PARP9: variants seen among roughly 807,000 people sequenced by gnomAD.
PARP9 encodes the protein poly(ADP-ribose) polymerase family member 9, also known as protein mono-ADP-ribosyltransferase PARP9.
A neutral mutation model predicts 68.8 loss-of-function variants in PARP9; 48 were observed. The observed-to-expected ratio is 0.70, with a 90% confidence interval of 0.55 to 0.89. PARP9 has a LOEUF of 0.89. PARP9 is among the 40% of genes least tolerant of loss of function. PARP9 has a pLI of 0.00. For synonymous variants in PARP9, 309 were observed against 333.8 expected, an observed-to-expected ratio of 0.93 and a Z score of 0.81; for missense variants, 806 against 969.3, an observed-to-expected ratio of 0.83 and a Z score of 2.24.
chr3:122,561,644 C>T (rs1290032830), intron 1 of PARP9, among the ~76,000 whole-genome samples: 1 of 152,216 alleles, frequency 6.6e-6, no homozygotes, highest in African/African-American at 2.4e-5. Context: ...TTTGCCTTTA[C>T]AGGCCTTTTC....
intron 6 of PARP9, among the ~76,000 whole-genome samples, chr3:122,550,160 A>G (rs1244003646): frequency 6.6e-6 from 1 of 152,078 alleles, no homozygotes; most frequent in African/African-American, 2.4e-5. Flanking sequence ...GCTCACCACA[A>G]TCTCCGCCTC....
chr3:122,542,917 A>AT (rs899725914), intron 7 of PARP9, among the ~76,000 whole-genome samples: 2 of 151,728 alleles, frequency 1.3e-5, no homozygotes, highest in Non-Finnish European at 1.5e-5. Context: ...TTATCTATTT[A>AT]TTTTTTTGAG....
intron 1 of PARP9, among the ~76,000 whole-genome samples, chr3:122,563,734 A>C (rs1237121615): frequency 6.6e-6 from 1 of 151,392 alleles, no homozygotes; most frequent in Non-Finnish European, 1.5e-5. Flanking sequence ...TCGCCGCCAC[A>C]CTCAATTTAT....
intron 7 of PARP9, among the ~76,000 whole-genome samples, chr3:122,542,071 T>G (rs1467170100): frequency 1.3e-5 from 2 of 152,206 alleles, no homozygotes; most frequent in African/African-American, 4.8e-5. Flanking sequence ...CATACTTTTT[T>G]TAAAACCCTT....
chr3:122,555,876 C>T lies in PARP9; in HGVS notation c.295G>A (p.Ala99Thr). The change falls in exon 4 of 11, where the codon GCT becomes ACT. Residue 99 changes from alanine to threonine, a missense_variant. Coordinates refer to ENST00000682323, the MANE Select transcript of PARP9 (RefSeq NM_001146105.2). ...TCTTCATTGGCTGCATTCACCACAG[C>T]ATCAACAGCATGTGTGGTGAGGTCA... ...KDDLTTHAVDAVVNAANEDLL... is the reference protein window; with the variant it reads ...KDDLTTHAVDTVVNAANEDLL... 1.2e-6 allele frequency: 2 copies of T among 1,614,070 alleles called. No individual in the cohort carries two copies. Among genetic ancestry groups the T allele is most frequent in the African/African-American group, 1.3e-5 (1 of 75,018 alleles).
rs543639597 is a variant in PARP9 at position 122,540,440 on chromosome 3, T to G, written c.1765+32A>C. The G allele has an allele frequency of 1.9e-6, 3 of 1,603,954 alleles. No homozygotes were observed. In the East Asian group the frequency reaches 6.7e-5, roughly 36 times the overall value. On this transcript the variant is annotated intron_variant, in intron 8 of 10. Transcript: ENST00000682323. Reference sequence around the variant, plus strand: ...CCAAAAGAAGAAACAATGGGGAGAATTTACTTTCTAATTTGATAGAAAGTT... The same window carrying G: ...CCAAAAGAAGAAACAATGGGGAGAAGTTACTTTCTAATTTGATAGAAAGTT...
intron 6 of PARP9, chr3:122,545,998 T>C (rs897127980): frequency 6.5e-6 from 1 of 153,190 alleles, no homozygotes; most frequent in East Asian, 1.9e-4. Context: ...ATGGTAGCTA[T>C]TGTAATTGTT....
chr3:122,555,413 A>T lies in PARP9; in HGVS notation c.758T>A (p.Phe253Tyr), dbSNP rs1275728474. The change falls in exon 4 of 11, where the codon TTT becomes TAT. Residue 253 changes from phenylalanine (F) to tyrosine (Y), a missense_variant. Transcript: ENST00000682323. Reference sequence around the variant, plus strand: ...TAGGATGAATTCTGAAGCAGCTTTAAAGGCAGCAACAGTAGGGTCCTCATT... The same window carrying T: ...TAGGATGAATTCTGAAGCAGCTTTATAGGCAGCAACAGTAGGGTCCTCATT... ...VSNEDPTVAA[F>Y]KAASEFILGK... The T allele has an allele frequency of 2.5e-6, 4 of 1,614,126 alleles. No homozygotes were observed. Among genetic ancestry groups the T allele is most frequent in the Non-Finnish European group, 3.4e-6 (4 of 1,180,018 alleles).
At chr3:122,530,527 T>TG (rs1279250918) in intron 10 of PARP9, among the ~76,000 whole-genome samples, 6 of 152,072 alleles carry the variant, frequency 3.9e-5, no homozygotes, top group Admixed American at 3.9e-4. Context: ...TTATCTTCTT[T>TG]GGGGTATTAA....
intron 7 of PARP9, among the ~76,000 whole-genome samples, chr3:122,544,971 T>G (rs1033673451): frequency 1.2e-4 from 18 of 152,178 alleles, no homozygotes; most frequent in African/African-American, 4.1e-4. Context: ...GGTTTTGCGT[T>G]TGTTTGTTTT....
chr3:122,561,457 C>CA (rs77611825), intron 1 of PARP9, among the ~76,000 whole-genome samples: 33,009 of 151,586 alleles, frequency 0.22, 4,143 homozygotes, highest in Non-Finnish European at 0.27. Context: ...GACCCTGTCT[C>CA]AAAAAAAAGA....
chr3:122,564,716 AGTATGTCACTGTGCGGT>A (rs1462349008), upstream of PARP9: 17 of 1,388,266 alleles, frequency 1.2e-5, no homozygotes, highest in Non-Finnish European at 1.5e-5. Flanking sequence ...GGCGGGAGAA[AGTATGTCACTGTGCGGT>A]GGCGGACAGG....
At chr3:122,560,374 C>A (rs2080090961) in intron 1 of PARP9, among the ~76,000 whole-genome samples, 2 of 151,934 alleles carry the variant, frequency 1.3e-5, no homozygotes, top group South Asian at 2.1e-4. Context: ...GAAATGATTT[C>A]TTTGTTTGTT....
At chr3:122,536,061 A>G in intron 10 of PARP9, 107 bp downstream of exon 10, 1 of 1,593,798 alleles carries the variant, frequency 6.3e-7, no homozygotes. Flanking sequence ...TCACAGTCAC[A>G]AATGATCCCT....
chr3:122,552,588 C>A lies in PARP9; in HGVS notation c.937G>T (p.Val313Leu), dbSNP rs779853462. The A allele has an allele frequency of 2.2e-5, 35 of 1,614,048 alleles. No individual in the cohort carries two copies. In the South Asian group the frequency reaches 3.7e-4, roughly 17 times the overall value. The stretch of plus-strand genomic sequence containing the variant: ...GCTTGTTGTAGAATTGACTTTGCCA[C>A]AGGTCCAACTGTAATATCATGTGGG... Reference protein sequence around the residue: ...VNPHDITVGPVAKSILQQAGV... With the variant: ...VNPHDITVGPLAKSILQQAGV... Residue 313 changes from valine (V) to leucine (L), a missense_variant, in exon 5 of 11, where the codon GTG becomes TTG. Coordinates refer to ENST00000682323, the MANE Select transcript of PARP9 (RefSeq NM_001146105.2).
intron 6 of PARP9, chr3:122,545,739 C>T: frequency 2.1e-6 from 1 of 477,716 alleles, no homozygotes. Context: ...GAAGACTATA[C>T]ATTCCGAGAC....
chr3:122,559,945 C>A (rs952525056), intron 1 of PARP9, among the ~76,000 whole-genome samples: 1 of 152,166 alleles, frequency 6.6e-6, no homozygotes, highest in African/African-American at 2.4e-5. Flanking sequence ...TGCTCTACGA[C>A]CTGGAACAGG....
intron 3 of PARP9, among the ~76,000 whole-genome samples, chr3:122,558,020 A>G (rs956832380): frequency 1.3e-5 from 2 of 152,228 alleles, no homozygotes; most frequent in African/African-American, 2.4e-5. Flanking sequence ...TGTGGCCTCA[A>G]TTACCCAAAC....
Position 122,559,701 on chromosome 3 carries a change from G to A in PARP9, c.-81C>T. 7.3e-7 allele frequency: 1 copy of A among 1,372,832 alleles called. No homozygotes were observed. The highest frequency in any genetic ancestry group is 9.9e-7 in the Non-Finnish European group (1 of 1,013,012). 85.0% of individuals were successfully genotyped at this position (1,372,832 alleles called of 1,614,324 possible). A position where few individuals can be genotyped will look rare whatever the true frequency, so the allele number is the denominator to read the frequency against. On this transcript the variant is annotated 5_prime_UTR_variant, in exon 2 of 11. Coordinates refer to ENST00000682323, the MANE Select transcript of PARP9 (RefSeq NM_001146105.2). ...ATAGACTGTAGTTTCCAGATATGGT[G>A]GCCCACTTCTAGGAATGAATTAGAA...
Sources: gnomAD v4.1 joint callset for allele counts (sites outside exome capture counted in the v4.1 genomes callset) on GRCh38, gnomAD v4.1.1 for gene constraint, MANE v1.5 for transcripts, NCBI Gene and HGNC (gene_info 2026-07-23, HGNC 2026-07-21) for gene names.